The following CNTNAP2 variants were observed in gnomAD, a reference collection of about 807,000 sequenced individuals.
CNTNAP2 encodes the protein contactin-associated protein-like 2.
Under a neutral mutation model 155.2 loss-of-function variants are expected in CNTNAP2, and 98 were observed. The observed-to-expected ratio is 0.63, with a 90% CI of 0.54 to 0.75. The LOEUF (loss-of-function observed/expected upper bound fraction) is 0.75. Ranked by LOEUF, CNTNAP2 falls within the 30% of genes least tolerant of loss-of-function variation. The probability of loss-of-function intolerance (pLI) is 0.00; values close to 1 mark genes in which losing one functional copy is unlikely to be tolerated. For missense variants in CNTNAP2, 1,727 were observed against 1,688.1 expected, an observed-to-expected ratio of 1.02 and a Z score of -0.40; for synonymous variants, 651 against 631.2, an observed-to-expected ratio of 1.03 and a Z score of -0.47.
intron 1 of CNTNAP2, among the ~76,000 whole-genome samples, chr7:146,471,432 A>G (rs1796797198): frequency 6.6e-6 from 1 of 152,246 alleles, no homozygotes; most frequent in Admixed American, 6.5e-5. Context: ...AAGGCATCTC[A>G]GCTGTGAATC....
intron 3 of CNTNAP2, among the ~76,000 whole-genome samples, chr7:146,939,451 T>G (rs573095330): frequency 2.8e-4 from 42 of 152,292 alleles, no homozygotes; most frequent in African/African-American, 9.4e-4. Context: ...AAACTTCGGG[T>G]TTTTTTATTT....
chr7:146,659,688 A>T (rs1284338222), intron 1 of CNTNAP2, among the ~76,000 whole-genome samples: 1 of 152,218 alleles, frequency 6.6e-6, no homozygotes, highest in African/African-American at 2.4e-5. Context: ...TAGCCAAAAG[A>T]ATTAAATATA....
At chr7:146,706,931 AAAAG>A (rs1187381235) in intron 1 of CNTNAP2, among the ~76,000 whole-genome samples, 9 of 151,960 alleles carry the variant, frequency 5.9e-5, no homozygotes, top group African/African-American at 2.2e-4. Flanking sequence ...AAAAAAAAAA[AAAAG>A]ATTCAAAGGC....
chr7:147,336,818 T>C (rs1363605700), intron 9 of CNTNAP2, among the ~76,000 whole-genome samples: 1 of 152,138 alleles, frequency 6.6e-6, no homozygotes, highest in Non-Finnish European at 1.5e-5. Context: ...CTGTTTTTCA[T>C]AGCCACCTAC....
At chr7:146,529,748 C>T (rs1030769152) in intron 1 of CNTNAP2, among the ~76,000 whole-genome samples, 2 of 151,856 alleles carry the variant, frequency 1.3e-5, no homozygotes, top group African/African-American at 4.8e-5. Flanking sequence ...GGGCAGTTCA[C>T]GAGATCAAGA....
intron 22 of CNTNAP2, among the ~76,000 whole-genome samples, chr7:148,405,412 CCATTGT>C (rs1355836218): frequency 8.4e-6 from 1 of 118,664 alleles, no homozygotes; most frequent in Non-Finnish European, 1.7e-5. Context: ...AACCAGATTA[CCATTGT>C]AATTTTTTTT....
chr7:147,304,142 C>A (rs976583564), intron 9 of CNTNAP2, among the ~76,000 whole-genome samples: 4 of 152,122 alleles, frequency 2.6e-5, no homozygotes, highest in Non-Finnish European at 5.9e-5. Flanking sequence ...CCTGCTAATG[C>A]CGGCAAAGTC....
At chr7:146,581,863 T>G (rs1278151944) in intron 1 of CNTNAP2, among the ~76,000 whole-genome samples, 1 of 152,122 alleles carries the variant, frequency 6.6e-6, no homozygotes, top group African/African-American at 2.4e-5. Context: ...CTAGAAATTT[T>G]GTCAATGCTT....
chr7:147,432,796 A>T (rs1181245931), intron 10 of CNTNAP2, among the ~76,000 whole-genome samples: 1 of 152,134 alleles, frequency 6.6e-6, no homozygotes, highest in African/African-American at 2.4e-5. Flanking sequence ...CACAGCCCAG[A>T]CATCACCTCC....
At chr7:148,264,181 C>A (rs986678232) in intron 20 of CNTNAP2, among the ~76,000 whole-genome samples, 5 of 152,132 alleles carry the variant, frequency 3.3e-5, no homozygotes, top group Non-Finnish European at 7.3e-5. Flanking sequence ...AAATACTAGT[C>A]ATCCATGACA....
At chr7:146,746,909 T>G (rs887370588) in intron 1 of CNTNAP2, among the ~76,000 whole-genome samples, 1 of 150,366 alleles carries the variant, frequency 6.7e-6, no homozygotes, top group African/African-American at 2.5e-5. Flanking sequence ...AACAAAGAAG[T>G]TTTTTCCTAT....
intron 15 of CNTNAP2, among the ~76,000 whole-genome samples, chr7:148,050,634 G>A (rs1325769169): frequency 6.6e-6 from 1 of 152,104 alleles, no homozygotes; most frequent in East Asian, 1.9e-4. Context: ...TATTTTTTAA[G>A]TCAACATTAG....
chr7:146,903,121 A>G (rs1188179766), intron 3 of CNTNAP2, among the ~76,000 whole-genome samples: 1 of 152,206 alleles, frequency 6.6e-6, no homozygotes, highest in Non-Finnish European at 1.5e-5. Context: ...GGCTTGTACC[A>G]TTAAACAGGG....
At chr7:146,243,153 A>G (rs1390535629) in intron 1 of CNTNAP2, among the ~76,000 whole-genome samples, 1 of 152,162 alleles carries the variant, frequency 6.6e-6, no homozygotes. Flanking sequence ...TTATTAATCT[A>G]TCAAAAATTA....
intron 19 of CNTNAP2, among the ~76,000 whole-genome samples, chr7:148,226,665 C>T (rs1795856503): frequency 1.3e-5 from 2 of 152,186 alleles, no homozygotes; most frequent in Non-Finnish European, 2.9e-5. Flanking sequence ...TGAGCATGCG[C>T]ACTACTTCAG....
At chr7:147,265,325 TG>T (rs757114817) in intron 8 of CNTNAP2, among the ~76,000 whole-genome samples, 4 of 152,204 alleles carry the variant, frequency 2.6e-5, no homozygotes, top group Admixed American at 2.0e-4. Flanking sequence ...CTGCTGGTGC[TG>T]GGGAGACTGG....
chr7:148,272,004 A>G (rs1796789359), intron 21 of CNTNAP2, among the ~76,000 whole-genome samples: 1 of 152,130 alleles, frequency 6.6e-6, no homozygotes, highest in Non-Finnish European at 1.5e-5. Context: ...GATGGCTCTA[A>G]ATACCTAAAA....
chr7:146,957,741 A>T (rs1374865046), intron 3 of CNTNAP2, among the ~76,000 whole-genome samples: 2 of 152,144 alleles, frequency 1.3e-5, no homozygotes, highest in African/African-American at 2.4e-5. Context: ...CTGTATCAAA[A>T]CATCTCATGT....
At chr7:146,399,060 A>G (rs544528120) in intron 1 of CNTNAP2, among the ~76,000 whole-genome samples, 1 of 140,912 alleles carries the variant, frequency 7.1e-6, no homozygotes, top group African/African-American at 3.0e-5. Flanking sequence ...TCCTTTCTTT[A>G]AGAACGTTTT....
Sources: allele counts gnomAD v4.1 joint callset (sites outside exome capture counted in the v4.1 genomes callset), GRCh38; gene constraint gnomAD v4.1.1; transcripts MANE v1.5; gene names NCBI Gene and HGNC (gene_info 2026-07-23, HGNC 2026-07-21).